FRYL: variants seen among roughly 807,000 people sequenced by gnomAD.
FRYL encodes protein furry homolog-like.
Under a neutral mutation model 351.2 loss-of-function variants are expected in FRYL, and 150 were observed. The observed-to-expected ratio is 0.43, with a 90% CI of 0.37 to 0.49. FRYL has a LOEUF of 0.49. FRYL is among the 20% of genes least tolerant of loss of function. FRYL has a pLI of 0.00. For missense variants in FRYL, 3,036 were observed against 3,619.3 expected (o/e 0.84, Z 4.13); for synonymous variants, 1,153 against 1,257.1 (o/e 0.92, Z 1.75).
chr4:48,714,494 C>T (rs1381947283), intron 1 of FRYL, among the ~76,000 whole-genome samples: 2 of 149,130 alleles, frequency 1.3e-5, no homozygotes, highest in Non-Finnish European at 3.0e-5. Flanking sequence ...CTACAAACAC[C>T]TCTATGCAAA....
intron 1 of FRYL, among the ~76,000 whole-genome samples, chr4:48,779,519 C>G (rs10010571): frequency 0.51 from 77,052 of 151,502 alleles, 20,018 homozygotes; most frequent in South Asian, 0.62. Context: ...CTCCGCCGGT[C>G]CCCGCCAGCC....
chr4:48,736,665 C>A (rs1771443230), intron 1 of FRYL, among the ~76,000 whole-genome samples: 1 of 151,400 alleles, frequency 6.6e-6, no homozygotes. Context: ...GCCTGGCCAA[C>A]ATGGTGAAAC....
intron 11 of FRYL, among the ~76,000 whole-genome samples, 178 bp downstream of exon 11, chr4:48,605,563 A>G (rs1746614123): frequency 6.6e-6 from 1 of 152,192 alleles, no homozygotes; most frequent in Non-Finnish European, 1.5e-5. Context: ...GATCTCTAAA[A>G]CATTGTATGA....
rs1773560788 is a variant in FRYL at position 48,754,419 on chromosome 4, C to G, written c.-384+25659G>C. On this transcript the variant is annotated intron_variant, in intron 1 of 63. Coordinates refer to ENST00000358350, the MANE Select transcript of FRYL (RefSeq NM_015030.2). ...CATTTGGGTTGTTTCTACATTTTAG[C>G]TAACGTAAATAAGGGTTGCTATAAA... 3.9e-5 allele frequency among the ~76,000 whole-genome samples: 6 copies of G among 152,284 alleles called. No homozygotes were observed. In the Middle Eastern group the frequency reaches 0.014, roughly 345 times the overall value.
At chr4:48,558,293 T>C (rs1159201492) in intron 33 of FRYL, among the ~76,000 whole-genome samples, 1 of 152,202 alleles carries the variant, frequency 6.6e-6, no homozygotes, top group East Asian at 1.9e-4. Context: ...TGAAGCTTGA[T>C]GACATTATGT....
At position 48,535,771 on chromosome 4, in the gene FRYL, C is replaced by T. The variant is rs1275062549; in HGVS notation, c.6450G>A (p.Leu2150=). Residue 2150 remains leucine (L), a synonymous_variant, in exon 48 of 64, where the codon TTG becomes TTA. Coordinates refer to ENST00000358350, the MANE Select transcript of FRYL (RefSeq NM_015030.2). ...CTCTGGAATACGTGTGTGTACTGTACAAACTCATCATGTGTGCCAGATTGA... is the reference window on the plus strand; with the variant it reads ...CTCTGGAATACGTGTGTGTACTGTATAAACTCATCATGTGTGCCAGATTGA... ...TLVNLAHMMS[L]YSTHTYSRDC... 2 of 1,587,706 alleles carry T rather than the reference C, an allele frequency of 1.3e-6. No individual in the cohort carries two copies. The highest frequency in any genetic ancestry group is 1.7e-6 in the Non-Finnish European group (2 of 1,164,814).
chr4:48,623,455 TGATAGTTCTTAGATTACAGA>T (rs1751103474), intron 4 of FRYL, among the ~76,000 whole-genome samples: 1 of 152,210 alleles, frequency 6.6e-6, no homozygotes, highest in Non-Finnish European at 1.5e-5. Flanking sequence ...AGTTTAAGTT[TGATAGTTCTTAGATTACAGA>T]CTTAAAGTTC....
chr4:48,571,882 T>A, intron 26 of FRYL: 8 of 985,188 alleles, frequency 8.1e-6, no homozygotes, highest in Non-Finnish European at 9.6e-6. Flanking sequence ...TGCATGTGTT[T>A]AATAGCATTC....
At chr4:48,691,978 T>G (rs976850796) in intron 2 of FRYL, among the ~76,000 whole-genome samples, 1 of 152,214 alleles carries the variant, frequency 6.6e-6, no homozygotes, top group Non-Finnish European at 1.5e-5. Flanking sequence ...TCATGAATGT[T>G]GCTGAGCAAC....
At chr4:48,561,151 G>C (rs1735423503) in intron 33 of FRYL, among the ~76,000 whole-genome samples, 1 of 152,146 alleles carries the variant, frequency 6.6e-6, no homozygotes, top group South Asian at 2.1e-4. Flanking sequence ...ATGTATTCAA[G>C]AAGTCCTATG....
intron 1 of FRYL, among the ~76,000 whole-genome samples, chr4:48,739,885 G>A (rs1771854920): frequency 6.6e-6 from 1 of 152,148 alleles, no homozygotes; most frequent in South Asian, 2.1e-4. Flanking sequence ...GTTATCATGG[G>A]AACAGAACTG....
rs71191252 is a variant in FRYL at position 48,671,873 on chromosome 4, C to CAAAAAAAAAAAAAAAAAA, written c.-81+12782_-81+12799dup. ...GTCTCAAAAACAAAAAAAAAAAAAA[C>CAAAAAAAAAAAAAAAAAA]AAAAAAAAAAAAAAAAAAGAAGGAA... On this transcript the variant is annotated intron_variant, in intron 3 of 63. Coordinates refer to ENST00000358350, the MANE Select transcript of FRYL (RefSeq NM_015030.2). 1.7e-3 allele frequency among the ~76,000 whole-genome samples: 87 copies of CAAAAAAAAAAAAAAAAAA among 51,846 alleles called. 1 individual carries two copies. Among genetic ancestry groups the CAAAAAAAAAAAAAAAAAA allele is most frequent in the Non-Finnish European group, 2.4e-3 (70 of 28,952 alleles). 34.0% of individuals were successfully genotyped at this position (51,846 alleles called of 152,430 possible). A position where few individuals can be genotyped will look rare whatever the true frequency, so the allele number is the denominator to read the frequency against.
At chr4:48,506,651 T>C in intron 59 of FRYL, 1 of 93,242 alleles carries the variant, frequency 1.1e-5, no homozygotes, top group Non-Finnish European at 2.5e-5. Context: ...TATATATATA[T>C]ATATATATAT....
intron 3 of FRYL, among the ~76,000 whole-genome samples, chr4:48,665,072 A>T (rs1156498008): frequency 6.6e-6 from 1 of 152,260 alleles, no homozygotes; most frequent in Non-Finnish European, 1.5e-5. Flanking sequence ...ACATAAAACC[A>T]GTAAGAAAGT....
rs190961273 is a variant in FRYL at position 48,721,546 on chromosome 4, T to A, written c.-383-10848A>T. ...TAAAAGGTGGAAGTCATTACACTAG[T>A]GGAAGGGTCACATTTTTACAACAAA... On this transcript the variant is annotated intron_variant, in intron 1 of 63. Coordinates refer to ENST00000358350, the MANE Select transcript of FRYL (RefSeq NM_015030.2). Among the ~76,000 whole-genome samples the A allele has an allele frequency of 3.3e-5, 5 of 152,078 alleles. No individual in the cohort carries two copies. In the East Asian group the frequency reaches 9.7e-4, roughly 29 times the overall value.
At chr4:48,613,729 G>A (rs1395382613) in intron 7 of FRYL, among the ~76,000 whole-genome samples, 2 of 151,562 alleles carry the variant, frequency 1.3e-5, no homozygotes, top group African/African-American at 2.5e-5. Flanking sequence ...GCTGAGGCGG[G>A]TGGATCATCT....
chr4:48,705,915 C>T (rs527382485), intron 2 of FRYL, among the ~76,000 whole-genome samples: 1 of 152,092 alleles, frequency 6.6e-6, no homozygotes, highest in Non-Finnish European at 1.5e-5. Flanking sequence ...CAGTTTACTG[C>T]AACCTCTACC....
intron 7 of FRYL, among the ~76,000 whole-genome samples, chr4:48,613,720 C>T (rs1031752330): frequency 6.6e-6 from 1 of 151,570 alleles, no homozygotes; most frequent in Non-Finnish European, 1.5e-5. Context: ...CTCTGGGAGG[C>T]TGAGGCGGGT....
intron 1 of FRYL, among the ~76,000 whole-genome samples, chr4:48,756,839 T>G (rs1773842765): frequency 6.6e-6 from 1 of 152,120 alleles, no homozygotes; most frequent in Non-Finnish European, 1.5e-5. Context: ...TCCAAGCTAC[T>G]TGGGAGGCTG....
Sources: gnomAD v4.1 joint callset for allele counts (sites outside exome capture counted in the v4.1 genomes callset) on GRCh38, gnomAD v4.1.1 for gene constraint, MANE v1.5 for transcripts, NCBI Gene and HGNC (gene_info 2026-07-23, HGNC 2026-07-21) for gene names.